OSBPL10: variants seen among roughly 807,000 people sequenced by gnomAD.
OSBPL10 encodes the protein oxysterol binding protein like 10, also known as oxysterol-binding protein-related protein 10.
Under a neutral mutation model 81.7 loss-of-function variants are expected in OSBPL10, and 49 were observed. That is an observed-to-expected ratio of 0.60 (90% confidence interval 0.48 to 0.76). The LOEUF is 0.76. Ranked by LOEUF, OSBPL10 falls within the 30% of genes least tolerant of loss-of-function variation. The probability of loss-of-function intolerance (pLI) is 0.00; values close to 1 mark genes in which losing one functional copy is unlikely to be tolerated. For synonymous variants in OSBPL10, 419 were observed against 383.6 expected (o/e 1.09, Z -1.08); for missense variants, 923 against 987.8 (o/e 0.93, Z 0.88).
intron 1 of OSBPL10, among the ~76,000 whole-genome samples, chr3:31,913,680 G>A (rs935097749): frequency 2.6e-5 from 4 of 152,182 alleles, no homozygotes; most frequent in African/African-American, 9.7e-5. Context: ...TTAGAAAACT[G>A]ACTAACCAAG....
intron 6 of OSBPL10, among the ~76,000 whole-genome samples, chr3:31,724,272 C>T (rs998193386): frequency 3.9e-5 from 6 of 152,146 alleles, no homozygotes; most frequent in African/African-American, 1.2e-4. Context: ...TTATACCACT[C>T]GGTGCTGAGC....
chr3:31,946,059 C>T (rs1697693079), intron 1 of OSBPL10, among the ~76,000 whole-genome samples: 1 of 152,046 alleles, frequency 6.6e-6, no homozygotes, highest in African/African-American at 2.4e-5. Context: ...CGGCTTACTG[C>T]AACCTCCGCC....
At chr3:31,937,273 A>G (rs1697401171) in intron 1 of OSBPL10, among the ~76,000 whole-genome samples, 1 of 149,012 alleles carries the variant, frequency 6.7e-6, no homozygotes, top group Admixed American at 6.6e-5. Context: ...AGAGACACTC[A>G]GGCTCAAAAA....
chr3:31,927,131 A>G (rs113909272), intron 1 of OSBPL10, among the ~76,000 whole-genome samples: 1 of 152,064 alleles, frequency 6.6e-6, no homozygotes, highest in Non-Finnish European at 1.5e-5. Flanking sequence ...ACAACAACAA[A>G]AAGTCAAAGG....
intron 1 of OSBPL10, among the ~76,000 whole-genome samples, chr3:31,955,478 C>T (rs960813495): frequency 3.3e-5 from 5 of 152,202 alleles, no homozygotes; most frequent in Non-Finnish European, 5.9e-5. Context: ...CATGGCACTG[C>T]AGCCACAGCT....
At chr3:32,043,063 G>A (rs571278531) in intron 2 of OSBPL10, among the ~76,000 whole-genome samples, 201 of 152,166 alleles carry the variant, frequency 1.3e-3, no homozygotes, top group African/African-American at 4.4e-3. Context: ...TTTCCCCACC[G>A]TAGTAAGTCT....
intron 4 of OSBPL10, among the ~76,000 whole-genome samples, chr3:31,784,711 T>G (rs1431056556): frequency 6.6e-6 from 1 of 151,476 alleles, no homozygotes; most frequent in African/African-American, 2.4e-5. Flanking sequence ...GCCTCCCCAG[T>G]AACCGGGATT....
chr3:31,733,077 C>T (rs937389721), intron 6 of OSBPL10, 180 bp downstream of exon 6: 1 of 756,496 alleles, frequency 1.3e-6, no homozygotes, highest in Non-Finnish European at 2.1e-6. Context: ...CTGCCAGACA[C>T]AAGAACATGA....
In OSBPL10 at chr3:31,999,583, A is replaced by G. The variant is rs544463257; in HGVS notation, n.298+46908T>C. Among the ~76,000 whole-genome samples, 4 of 152,088 alleles carry G rather than the reference A, an allele frequency of 2.6e-5. No homozygotes were observed. In the South Asian group the frequency reaches 8.3e-4, roughly 32 times the overall value. On this transcript the variant is annotated intron_variant and non_coding_transcript_variant, in intron 2 of 3. Coordinates refer to the OSBPL10 transcript ENST00000479173. ...CCATGTTTTTTTAGGCTGGTCTCGA[A>G]CTTCCTACCTCAGGTGATCTGCCTG...
At chr3:31,768,381 T>C (rs1698264520) in intron 4 of OSBPL10, among the ~76,000 whole-genome samples, 1 of 152,186 alleles carries the variant, frequency 6.6e-6, no homozygotes, top group African/African-American at 2.4e-5. Flanking sequence ...TGACCATTTA[T>C]AGAAGGAAAA....
At chr3:31,842,572 A>G (rs192752903) in intron 3 of OSBPL10, among the ~76,000 whole-genome samples, 18 of 152,370 alleles carry the variant, frequency 1.2e-4, no homozygotes, top group African/African-American at 3.8e-4. Flanking sequence ...TGTCACTGTC[A>G]TAACAGACGT....
At chr3:31,766,324 T>TG (rs1055586878) in intron 4 of OSBPL10, among the ~76,000 whole-genome samples, 21 of 62,832 alleles carry the variant, frequency 3.3e-4, no homozygotes, top group African/African-American at 8.9e-4. Context: ...CAATGTAGTT[T>TG]TTTTGTTTTT....
At chr3:31,980,848 C>T (rs1236694172) in intron 1 of OSBPL10, 51 bp downstream of exon 1, 1 of 1,486,488 alleles carries the variant, frequency 6.7e-7, no homozygotes, top group Non-Finnish European at 8.9e-7. Context: ...CACGCACACA[C>T]ACACACACAC....
chr3:31,911,014 C>T (rs1194758670), intron 1 of OSBPL10, among the ~76,000 whole-genome samples: 1 of 152,150 alleles, frequency 6.6e-6, no homozygotes, highest in Non-Finnish European at 1.5e-5. Context: ...ATCTCCACAG[C>T]CCAGCCTTTC....
At chr3:32,018,154 A>G (rs1185092705) in intron 2 of OSBPL10, among the ~76,000 whole-genome samples, 1 of 84,304 alleles carries the variant, frequency 1.2e-5, no homozygotes, top group Non-Finnish European at 2.4e-5. Context: ...ATCTCAATAA[A>G]TAAATAAATA....
chr3:32,069,637 A>C (rs1390278464), intron 1 of OSBPL10, among the ~76,000 whole-genome samples: 1 of 152,184 alleles, frequency 6.6e-6, no homozygotes, highest in Non-Finnish European at 1.5e-5. Flanking sequence ...CATTAGAAAA[A>C]AGCTTTAAAA....
chr3:31,698,972 G>A (rs746614321), intron 7 of OSBPL10, among the ~76,000 whole-genome samples: 21 of 152,136 alleles, frequency 1.4e-4, no homozygotes, highest in Non-Finnish European at 2.6e-4. Context: ...CCCCATCAGG[G>A]CATGGATTCT....
intron 2 of OSBPL10, among the ~76,000 whole-genome samples, chr3:31,876,943 G>A (rs553349840): frequency 6.5e-5 from 9 of 138,724 alleles, no homozygotes; most frequent in Non-Finnish European, 1.2e-4. Flanking sequence ...TCGCTCTGTC[G>A]CCCAGGCTGA....
At chr3:31,985,695 A>G (rs775717640), upstream of OSBPL10, among the ~76,000 whole-genome samples, 2 of 152,220 alleles carry the variant, frequency 1.3e-5, no homozygotes, top group African/African-American at 2.4e-5. Flanking sequence ...TCACAACCAG[A>G]TCACTCTCTG....
Sources: allele counts gnomAD v4.1 joint callset (sites outside exome capture counted in the v4.1 genomes callset), GRCh38; gene constraint gnomAD v4.1.1; transcripts MANE v1.5; gene names NCBI Gene and HGNC (gene_info 2026-07-23, HGNC 2026-07-21).